Variants in CPHXL2 observed in about 807,000 individuals in gnomAD.
CPHXL2 encodes the protein cytoplasmic polyadenylated homeobox like 2, also known as cytoplasmic polyadenylated homeobox-like protein 2.
the CPHXL2 span, among the ~76,000 whole-genome samples, chr16:75,672,951 G>A: frequency 2.6e-5 from 4 of 151,660 alleles, no homozygotes; most frequent in Admixed American, 6.6e-5. Context: ...GTGGTGGCAC[G>A]TGCCTGTATT....
chr16:75,662,409 A>C, the CPHXL2 span, among the ~76,000 whole-genome samples: 1 of 150,106 alleles, frequency 6.7e-6, no homozygotes, highest in African/African-American at 2.5e-5. Context: ...CTGGTGATCA[A>C]CTTAACCATC....
the CPHXL2 span, chr16:75,669,237 G>C: frequency 1.4e-4 from 55 of 393,080 alleles, no homozygotes; most frequent in South Asian, 6.7e-3. Context: ...AGTCACCTGA[G>C]CCCAGGAAGT....
chr16:75,662,867 C>G, the CPHXL2 span, among the ~76,000 whole-genome samples: 5 of 144,504 alleles, frequency 3.5e-5, no homozygotes, highest in African/African-American at 1.3e-4. Context: ...GGCGCAGTGT[C>G]GGCTTACTTC....
At chr16:75,666,595 T>C in the CPHXL2 span, among the ~76,000 whole-genome samples, 7 of 102,610 alleles carry the variant, frequency 6.8e-5, no homozygotes, top group South Asian at 2.7e-4. Flanking sequence ...GCAACAAGAG[T>C]GAAACTCTAT....
At chr16:75,665,049 A>C in the CPHXL2 span, among the ~76,000 whole-genome samples, 1 of 152,236 alleles carries the variant, frequency 6.6e-6, no homozygotes, top group Non-Finnish European at 1.5e-5. Flanking sequence ...TTTGTCAGAG[A>C]TTATAGAGCC....
chr16:75,674,509 T>A, the CPHXL2 span, among the ~76,000 whole-genome samples: 11 of 152,202 alleles, frequency 7.2e-5, no homozygotes, highest in South Asian at 2.1e-3. Context: ...AATATAATTA[T>A]GTTCAAGTTG....
At chr16:75,663,273 A>C in the CPHXL2 span, among the ~76,000 whole-genome samples, 2 of 152,242 alleles carry the variant, frequency 1.3e-5, no homozygotes, top group African/African-American at 2.4e-5. Context: ...ATAATTGTTT[A>C]AAACAAAACC....
the CPHXL2 span, among the ~76,000 whole-genome samples, chr16:75,663,603 G>A: frequency 3.9e-5 from 6 of 152,250 alleles, no homozygotes; most frequent in East Asian, 1.9e-4. Context: ...CATAGAACAA[G>A]GTTGGCGCGG....
At chr16:75,670,149 T>C in the CPHXL2 span, among the ~76,000 whole-genome samples, 1 of 152,096 alleles carries the variant, frequency 6.6e-6, no homozygotes, top group Non-Finnish European at 1.5e-5. Context: ...CTCCTGACCT[T>C]GTGATTTGCC....
At chr16:75,664,576 G>C in the CPHXL2 span, among the ~76,000 whole-genome samples, 14 of 137,708 alleles carry the variant, frequency 1.0e-4, no homozygotes, top group African/African-American at 3.6e-4. Flanking sequence ...AGTGAGGTGA[G>C]ATCGTGCCAT....
chr16:75,661,031 CCT>C, the CPHXL2 span: 1 of 400,696 alleles, frequency 2.5e-6, no homozygotes, highest in Non-Finnish European at 4.4e-6. Flanking sequence ...GACAGGCAAT[CCT>C]CTGTTTCTCC....
chr16:75,670,868 C>G, the CPHXL2 span, among the ~76,000 whole-genome samples: 10,269 of 152,198 alleles, frequency 0.067, 477 homozygotes, highest in African/African-American at 0.13. Flanking sequence ...TTCCTGACAT[C>G]GCTTCTTCTT....
At chr16:75,675,708 G>C in the CPHXL2 span, among the ~76,000 whole-genome samples, 1 of 152,126 alleles carries the variant, frequency 6.6e-6, no homozygotes, top group Admixed American at 6.6e-5. Context: ...TTTTATGGTT[G>C]GGCCATTGTT....
chr16:75,670,355 G>C, the CPHXL2 span, among the ~76,000 whole-genome samples: 2 of 152,174 alleles, frequency 1.3e-5, no homozygotes, highest in African/African-American at 2.4e-5. Flanking sequence ...GAGCCTGAAA[G>C]GGAGAGAACA....
At chr16:75,675,771 G>C in the CPHXL2 span, among the ~76,000 whole-genome samples, 1 of 152,016 alleles carries the variant, frequency 6.6e-6, no homozygotes, top group South Asian at 2.1e-4. Flanking sequence ...TACAGTGGTG[G>C]GGCAAGATTT....
At chr16:75,668,758 ATT>A in the CPHXL2 span, among the ~76,000 whole-genome samples, 2 of 151,274 alleles carry the variant, frequency 1.3e-5, no homozygotes, top group Admixed American at 1.3e-4. Context: ...TAAAATTTGT[ATT>A]TTTTTTTAAT....
At chr16:75,664,457 A>C in the CPHXL2 span, among the ~76,000 whole-genome samples, 4 of 152,036 alleles carry the variant, frequency 2.6e-5, no homozygotes, top group South Asian at 8.3e-4. Flanking sequence ...GAAACCCCGT[A>C]TTTACTAAAA....
the CPHXL2 span, among the ~76,000 whole-genome samples, chr16:75,663,885 C>CAAAAAAAAA: frequency 0.014 from 1,219 of 85,322 alleles, 16 homozygotes; most frequent in African/African-American, 0.02. Context: ...GACTCTGTCT[C>CAAAAAAAAA]AAAAAAAAAA....
the CPHXL2 span, among the ~76,000 whole-genome samples, chr16:75,674,157 A>C: frequency 6.6e-6 from 1 of 151,782 alleles, no homozygotes; most frequent in Admixed American, 6.6e-5. Flanking sequence ...GTGGATCAAG[A>C]GGTCAGGAGA....
Sources: gnomAD v4.1 joint callset for allele counts (sites outside exome capture counted in the v4.1 genomes callset) on GRCh38, gnomAD v4.1.1 for gene constraint, MANE v1.5 for transcripts, NCBI Gene and HGNC (gene_info 2026-07-23, HGNC 2026-07-21) for gene names.